The following CTDSPL variants were observed in gnomAD, a reference collection of about 807,000 sequenced individuals.
The protein encoded by CTDSPL is CTD small phosphatase like, also known as CTD small phosphatase-like protein.
In CTDSPL, 8 loss-of-function variants were observed where a neutral mutation model predicts 30.5. The ratio of observed to expected loss-of-function variants is 0.26; its 90% CI spans 0.15 to 0.47. The LOEUF is 0.47. Among genes scored for constraint, CTDSPL ranks in the 20% least tolerant of loss-of-function variants. The pLI, the probability that CTDSPL is intolerant of heterozygous loss-of-function variation, is 0.99. For synonymous variants in CTDSPL, 110 were observed against 137.9 expected (o/e 0.80, Z 1.42); for missense variants, 248 against 366.1 (o/e 0.68, Z 2.63).
intron 1 of CTDSPL, among the ~76,000 whole-genome samples, chr3:37,902,603 CG>C (rs1698463679): frequency 6.6e-6 from 1 of 152,128 alleles, no homozygotes. Flanking sequence ...TCTCTTTGCC[CG>C]CTTCTTCCTC....
rs560955234 is a variant in CTDSPL at position 37,941,707 on chromosome 3, C to T, written c.80-5350C>T. On this transcript the variant is annotated intron_variant, in intron 1 of 7. Transcript: ENST00000273179. ...TTTGGGCCGGGCATGTTTTCATTGA[C>T]AGGGATAAGGAGGAGAAAGAGGGTG... is the stretch of plus-strand genomic sequence containing the variant. Among the ~76,000 whole-genome samples the T allele has an allele frequency of 9.8e-4, 148 of 150,284 alleles. 3 individuals are homozygous for T. Among genetic ancestry groups the T allele is most frequent in the African/African-American group, 3.4e-3 (139 of 41,368 alleles).
At chr3:37,919,044 C>T (rs961778234) in intron 1 of CTDSPL, among the ~76,000 whole-genome samples, 1 of 152,034 alleles carries the variant, frequency 6.6e-6, no homozygotes, top group Non-Finnish European at 1.5e-5. Context: ...CTCTGAAAAT[C>T]TCTCGTTGGC....
At chr3:37,881,340 C>T (rs1168882371) in intron 1 of CTDSPL, among the ~76,000 whole-genome samples, 1 of 151,886 alleles carries the variant, frequency 6.6e-6, no homozygotes, top group Non-Finnish European at 1.5e-5. Context: ...ACCAGCCTGG[C>T]CAACATGGTG....
intron 1 of CTDSPL, among the ~76,000 whole-genome samples, chr3:37,890,015 T>C (rs1186840620): frequency 4.6e-5 from 7 of 152,084 alleles, no homozygotes; most frequent in African/African-American, 1.2e-4. Context: ...TTCATCAAAA[T>C]GAGGAAATAA....
intron 1 of CTDSPL, among the ~76,000 whole-genome samples, chr3:37,882,081 G>T (rs980632673): frequency 2.0e-5 from 3 of 152,218 alleles, no homozygotes; most frequent in Admixed American, 2.0e-4. Context: ...GCAAAGGCAG[G>T]TGGATCACCT....
intron 1 of CTDSPL, among the ~76,000 whole-genome samples, chr3:37,917,792 G>A (rs944453928): frequency 2.0e-5 from 3 of 152,140 alleles, no homozygotes; most frequent in African/African-American, 7.2e-5. Context: ...GCGGATATGA[G>A]CATACATGTG....
chr3:37,928,669 TA>T (rs1243755829), intron 1 of CTDSPL, among the ~76,000 whole-genome samples: 3 of 152,192 alleles, frequency 2.0e-5, no homozygotes, highest in Non-Finnish European at 4.4e-5. Context: ...GGGTTCTTTA[TA>T]TTTTTTTGGA....
Position 37,862,567 on chromosome 3 carries a change from GTGTGTGCACCTAACACAGAGGT to G in CTDSPL, c.79+291_79+312del. 6.6e-6 allele frequency among the ~76,000 whole-genome samples: 1 copy of G among 152,358 alleles called. No homozygotes were observed. Among genetic ancestry groups the G allele is most frequent in the Non-Finnish European group, 1.5e-5 (1 of 68,028 alleles). On this transcript the variant is annotated intron_variant, in intron 1 of 7. Transcript: ENST00000273179. The surrounding 1 kb of genome is among the most constrained non-coding windows in gnomAD (Gnocchi z 4.3). ...ACGCCCGCAGAGAAGTTGTGAGCCT[GTGTGTGCACCTAACACAGAGGT>G]TCTAAGTGTGTGCACTTGTATGTGT...
At chr3:37,915,123 G>T (rs1698631355) in intron 1 of CTDSPL, among the ~76,000 whole-genome samples, 2 of 151,910 alleles carry the variant, frequency 1.3e-5, no homozygotes, top group African/African-American at 4.8e-5. Context: ...TTTTCTCATG[G>T]TATTTTGATG....
intron 1 of CTDSPL, among the ~76,000 whole-genome samples, chr3:37,865,346 T>C (rs1697997355): frequency 6.6e-6 from 1 of 152,222 alleles, no homozygotes; most frequent in South Asian, 2.1e-4. Context: ...GAAATCTGAA[T>C]GGCCAATAAA....
At position 37,955,413 on chromosome 3, in the gene CTDSPL, C is replaced by G. The variant is rs545806832; in HGVS notation, c.235-1698C>G. 1.1e-4 allele frequency among the ~76,000 whole-genome samples: 17 copies of G among 152,240 alleles called. 1 individual carries two copies. The South Asian group carries it at 3.3e-3, about 30-fold the overall frequency. On this transcript the variant is annotated intron_variant, in intron 2 of 7. Transcript: ENST00000273179. The stretch of plus-strand genomic sequence containing the variant: ...CTGCATTCCAACCTGGGTGACAGAG[C>G]AAGACCCCATCTGTAAAGTAAAATA...
chr3:37,975,683 C>A lies in CTDSPL; in HGVS notation c.520-26C>A, dbSNP rs769105652. ...TTGGGGGGCTCTTTTAAACACCCAG[C>A]CTTCATTGTGACACGTCTTTTCCAG... On this transcript the variant is annotated intron_variant, in intron 6 of 7. Transcript: ENST00000273179. This position sits in a 1 kb window ranked among gnomAD's most constrained non-coding sequence, Gnocchi z 4.9. 3.8e-6 allele frequency: 6 copies of A among 1,583,116 alleles called. No homozygotes were observed. The Admixed American group carries it at 8.7e-5, about 23-fold the overall frequency.
chr3:37,911,738 G>T (rs1475020988), intron 1 of CTDSPL: 1 of 456,446 alleles, frequency 2.2e-6, no homozygotes. Context: ...TACACACCTG[G>T]GTGGCAGGTG....
intron 3 of CTDSPL, among the ~76,000 whole-genome samples, chr3:37,963,406 TA>T (rs1298098424): frequency 6.6e-6 from 1 of 152,140 alleles, no homozygotes; most frequent in East Asian, 1.9e-4. Context: ...ACCAAAAAAA[TA>T]AAAAGAGGAA....
At chr3:37,923,385 A>C (rs1350884492) in intron 1 of CTDSPL, among the ~76,000 whole-genome samples, 1 of 152,214 alleles carries the variant, frequency 6.6e-6, no homozygotes, top group Non-Finnish European at 1.5e-5. Context: ...ATCCCAACTG[A>C]TAGTTCAAAT....
rs546334317 is a variant in CTDSPL, at chr3:37,879,918, T to C, written c.79+17640T>C. ...TTTAATAAACATTAATTATTATTAA[T>C]ACTATCTCTTATTTATTCAGTAAGC... On this transcript the variant is annotated intron_variant, in intron 1 of 7. Transcript: ENST00000273179. Among the ~76,000 whole-genome samples, 387 of 151,858 alleles carry C rather than the reference T, an allele frequency of 2.5e-3. 5 individuals are homozygous for C. The highest frequency in any genetic ancestry group is 7.5e-4 in the Non-Finnish European group (51 of 67,974).
chr3:37,910,182 A>G (rs1698566025), intron 1 of CTDSPL, among the ~76,000 whole-genome samples: 1 of 152,246 alleles, frequency 6.6e-6, no homozygotes, highest in Non-Finnish European at 1.5e-5. Context: ...TAGTTAGTAT[A>G]AAGTCTGAAT....
intron 3 of CTDSPL, among the ~76,000 whole-genome samples, chr3:37,962,764 A>T (rs976828295): frequency 2.6e-5 from 4 of 152,258 alleles, no homozygotes; most frequent in Non-Finnish European, 5.9e-5. Flanking sequence ...GTCAAAAGGG[A>T]GACATAGAAA....
At chr3:37,977,876 G>A (rs542463525) in intron 7 of CTDSPL, among the ~76,000 whole-genome samples, 8 of 152,042 alleles carry the variant, frequency 5.3e-5, no homozygotes, top group Admixed American at 3.3e-4. Flanking sequence ...CAGCCTGAGT[G>A]ACAGAGCAAG....
Sources: allele counts gnomAD v4.1 joint callset (sites outside exome capture counted in the v4.1 genomes callset), GRCh38; gene constraint gnomAD v4.1.1; non-coding constraint Gnocchi (gnomAD v3.1); transcripts MANE v1.5; gene names NCBI Gene and HGNC (gene_info 2026-07-23, HGNC 2026-07-21).